The following NTRK3 variants were observed in gnomAD, a reference collection of about 807,000 sequenced individuals.
The protein encoded by NTRK3 is neurotrophic receptor tyrosine kinase 3.
In NTRK3, 24 loss-of-function variants were observed where a neutral mutation model predicts 91.7. The ratio of observed to expected loss-of-function variants is 0.26; its 90% CI spans 0.19 to 0.37. NTRK3 has a LOEUF of 0.37. NTRK3 is among the 10% of genes least tolerant of loss of function. NTRK3 has a pLI of 1.00. For missense variants in NTRK3, 880 were observed against 1,068.9 expected (o/e 0.82, Z 2.46); for synonymous variants, 483 against 404.0 (o/e 1.20, Z -2.34).
chr15:87,883,261 A>T (rs1340267979), intron 17 of NTRK3, among the ~76,000 whole-genome samples: 3 of 149,550 alleles, frequency 2.0e-5, no homozygotes, highest in Non-Finnish European at 4.5e-5. Flanking sequence ...TTTATATTAA[A>T]TTTATATCAT....
intron 3 of NTRK3, among the ~76,000 whole-genome samples, chr15:88,194,873 C>T (rs1446776998): frequency 6.6e-6 from 1 of 152,182 alleles, no homozygotes; most frequent in Non-Finnish European, 1.5e-5. Flanking sequence ...CTGGTCTCCT[C>T]TCAGGACCTT....
chr15:88,001,719 A>C (rs924735159), intron 14 of NTRK3, among the ~76,000 whole-genome samples: 1 of 152,152 alleles, frequency 6.6e-6, no homozygotes, highest in African/African-American at 2.4e-5. Flanking sequence ...TGGCAGTACC[A>C]TATCGTCTCT....
intron 17 of NTRK3, among the ~76,000 whole-genome samples, chr15:87,915,884 A>G (rs980918971): frequency 6.6e-6 from 1 of 152,164 alleles, no homozygotes; most frequent in Non-Finnish European, 1.5e-5. Context: ...CTAAGGCCAA[A>G]TAGCTCTCAG....
chr15:88,180,977 G>A (rs191354104), intron 5 of NTRK3, among the ~76,000 whole-genome samples: 56 of 152,234 alleles, frequency 3.7e-4, no homozygotes, highest in South Asian at 1.0e-3. Flanking sequence ...CTATTGACTC[G>A]TCTCTCTGCG....
chr15:87,886,676 C>CCATATATATATATATATATATA (rs2065554047), intron 17 of NTRK3, among the ~76,000 whole-genome samples: 1 of 101,204 alleles, frequency 9.9e-6, no homozygotes, highest in African/African-American at 4.1e-5. Flanking sequence ...CCACTTTTTG[C>CCATATATATATATATATATATA]TATATATATA....
chr15:88,135,429 A>C, intron 9 of NTRK3, 32 bp from the exon 10 acceptor site: 1 of 1,608,200 alleles, frequency 6.2e-7, no homozygotes, highest in East Asian at 2.2e-5. Context: ...GAAATCCAGG[A>C]CACAGAGTCT....
chr15:87,980,274 A>G (rs1345747785), intron 14 of NTRK3, among the ~76,000 whole-genome samples: 3 of 152,212 alleles, frequency 2.0e-5, no homozygotes, highest in Non-Finnish European at 4.4e-5. Context: ...TTCCAGAAAG[A>G]TGTTGTTCAA....
exon 2 of NTRK3, chr15:88,256,315 C>G: frequency 7.4e-6 from 5 of 674,248 alleles, no homozygotes; most frequent in Non-Finnish European, 1.1e-5. Flanking sequence ...GATGCAAAAT[C>G]CTTCAGCGTC....
intron 3 of NTRK3, among the ~76,000 whole-genome samples, chr15:88,185,637 T>C (rs1220356507): frequency 6.6e-6 from 1 of 152,170 alleles, no homozygotes; most frequent in Non-Finnish European, 1.5e-5. Context: ...AGTACTTCAA[T>C]CTTAGTGAAG....
At chr15:87,927,618 C>A (rs1413996653) in intron 17 of NTRK3, 1 of 152,116 alleles carries the variant, frequency 6.6e-6, no homozygotes, top group Admixed American at 6.5e-5. Flanking sequence ...GACGTGAGGC[C>A]TTTGGGAAGT....
chr15:88,191,286 C>G (rs1182756391), intron 3 of NTRK3, among the ~76,000 whole-genome samples: 1 of 151,924 alleles, frequency 6.6e-6, no homozygotes, highest in Non-Finnish European at 1.5e-5. Flanking sequence ...CTCCCAGGTT[C>G]AAGCAATTCT....
At position 88,027,004 on chromosome 15, in the gene NTRK3, C is replaced by G. The variant is rs2078094988; in HGVS notation, c.1585+5853G>C. Among the ~76,000 whole-genome samples the G allele has an allele frequency of 2.0e-5, 3 of 152,256 alleles. No individual in the cohort carries two copies. In the South Asian group the frequency reaches 6.2e-4, roughly 32 times the overall value. ...CCTGAACACCCTATACAGGGCTGTC[C>G]TTATCCTAGAAACAGAAGAATGAGC... is the stretch of plus-strand genomic sequence containing the variant. On this transcript the variant is annotated intron_variant, in intron 14 of 18. Transcript: ENST00000394480.
rs370219317 is a variant in NTRK3, at chr15:88,156,205, C to T, written c.396-8802G>A. Among the ~76,000 whole-genome samples, 18 of 152,322 alleles carry T rather than the reference C, an allele frequency of 1.2e-4. No individual in the cohort carries two copies. In the East Asian group the frequency reaches 2.7e-3, roughly 23 times the overall value. ...TGTCCCAGAGCACAGTGCAACATCACTGAGTAGCTGCCAGCATCCTCTCAG... is the reference window on the plus strand; with the variant it reads ...TGTCCCAGAGCACAGTGCAACATCATTGAGTAGCTGCCAGCATCCTCTCAG... On this transcript the variant is annotated intron_variant, in intron 5 of 18. Coordinates refer to ENST00000394480, the Ensembl canonical transcript of NTRK3.
chr15:87,935,970 T>C (rs933822839), intron 15 of NTRK3, among the ~76,000 whole-genome samples: 7 of 152,196 alleles, frequency 4.6e-5, no homozygotes, highest in Admixed American at 2.6e-4. Flanking sequence ...ACGTAGGGTA[T>C]GGCAACTAGG....
At chr15:88,085,860 G>C (rs981025473) in intron 13 of NTRK3, among the ~76,000 whole-genome samples, 2 of 152,172 alleles carry the variant, frequency 1.3e-5, no homozygotes, top group African/African-American at 4.8e-5. Flanking sequence ...CTGGCCAATA[G>C]GGATACAGAG....
chr15:88,153,385 G>A (rs2043577732), intron 5 of NTRK3, among the ~76,000 whole-genome samples: 1 of 152,012 alleles, frequency 6.6e-6, no homozygotes, highest in African/African-American at 2.4e-5. Flanking sequence ...TGGGATTAAA[G>A]GCATGTGCCA....
At chr15:88,019,897 C>A (rs1216962775) in intron 14 of NTRK3, among the ~76,000 whole-genome samples, 5 of 152,192 alleles carry the variant, frequency 3.3e-5, no homozygotes, top group Non-Finnish European at 1.5e-5. Context: ...AGGATCTCAA[C>A]TGATACAATC....
In NTRK3 at chr15:88,205,449, C is replaced by G. The variant is rs550003531; in HGVS notation, c.249-21150G>C. ...GAGGTCCAAGAGCCCAGCATGGCAG[C>G]GATGCTTACGTGAAATCACACTTAT... On this transcript the variant is annotated intron_variant, in intron 3 of 18. Coordinates refer to ENST00000394480, the Ensembl canonical transcript of NTRK3. Among the ~76,000 whole-genome samples the G allele has an allele frequency of 1.6e-4, 24 of 152,302 alleles. No homozygotes were observed. In the South Asian group the frequency reaches 4.6e-3, roughly 29 times the overall value.
Position 87,954,007 on chromosome 15 carries a change from A to AGTGTGTGTGTGT in NTRK3, c.1586-13266_1586-13255dup, listed in dbSNP as rs61653896. Among the ~76,000 whole-genome samples the AGTGTGTGTGTGT allele has an allele frequency of 2.2e-3, 284 of 127,730 alleles. 2 individuals carry two copies. Among genetic ancestry groups the AGTGTGTGTGTGT allele is most frequent in the East Asian group, 9.2e-3 (37 of 4,014 alleles). The allele number at this position is 127,730 out of a possible 152,430, so 83.8% of individuals were successfully genotyped here. ...TGCTCTGCTCCTGCCAGACCTTTTC[A>AGTGTGTGTGTGT]GTGTGTGTGTGTGTGTGTGTGTGTG... On this transcript the variant is annotated intron_variant, in intron 14 of 18. Transcript: ENST00000394480.
Sources: allele counts gnomAD v4.1 joint callset (sites outside exome capture counted in the v4.1 genomes callset), GRCh38; gene constraint gnomAD v4.1.1; transcripts MANE v1.5; gene names NCBI Gene and HGNC (gene_info 2026-07-23, HGNC 2026-07-21).